Variants in SLC8A1 observed in about 807,000 individuals in gnomAD.
SLC8A1 encodes the protein solute carrier family 8 member A1.
In SLC8A1, 18 loss-of-function variants were observed where a neutral mutation model predicts 68.3. The observed-to-expected ratio is 0.26, with a 90% CI of 0.18 to 0.39. SLC8A1 has a LOEUF of 0.39. Among genes scored for constraint, SLC8A1 ranks in the 10% least tolerant of loss-of-function variants. The probability of loss-of-function intolerance (pLI) is 1.00; values close to 1 mark genes in which losing one functional copy is unlikely to be tolerated. For synonymous variants in SLC8A1, 475 were observed against 415.5 expected (o/e 1.14, Z -1.74); for missense variants, 985 against 1,156.7 (o/e 0.85, Z 2.15).
intron 2 of SLC8A1, among the ~76,000 whole-genome samples, chr2:40,424,404 CAA>C (rs1696325208): frequency 6.6e-6 from 1 of 151,668 alleles, no homozygotes; most frequent in South Asian, 2.1e-4. Flanking sequence ...ATAGCAAAAA[CAA>C]AATATTTATT....
At chr2:40,204,356 T>G (rs1281770299) in intron 2 of SLC8A1, among the ~76,000 whole-genome samples, 1 of 152,060 alleles carries the variant, frequency 6.6e-6, no homozygotes, top group African/African-American at 2.4e-5. Flanking sequence ...CTATGATCCT[T>G]TAAGAAAATC....
intron 2 of SLC8A1, among the ~76,000 whole-genome samples, chr2:40,206,733 T>C (rs1004708015): frequency 1.3e-5 from 2 of 152,026 alleles, no homozygotes; most frequent in Non-Finnish European, 2.9e-5. Flanking sequence ...ACCCCTACGA[T>C]CTACATGGTT....
At position 40,177,826 on chromosome 2, in the gene SLC8A1, C is replaced by T. The variant is rs5556; in HGVS notation, c.1838G>A (p.Arg613His). ...ACTGCACTCTTTCTCATATTCCTCA[C>T]GGTCAAATATTCTAATGGTAATGAT... The change falls in exon 3 of 8, where the codon CGT (arginine) becomes CAT (histidine). Residue 613 changes from arginine to histidine, a missense_variant. By Grantham distance (29) the Arg-to-His change is conservative. This residue lies in a region of SLC8A1 where 584 missense variants were observed against 565.9 expected (regional missense o/e 1.03). Coordinates refer to ENST00000406785, the Ensembl canonical transcript of SLC8A1. The T allele has an allele frequency of 5.3e-3, 8,255 of 1,550,724 alleles. 24 individuals carry two copies. The highest frequency in any genetic ancestry group is 6.2e-3 in the Non-Finnish European group (7,072 of 1,146,090).
intron 2 of SLC8A1, among the ~76,000 whole-genome samples, chr2:40,308,467 G>C (rs533641023): frequency 6.6e-6 from 1 of 152,258 alleles, no homozygotes; most frequent in South Asian, 2.1e-4. Flanking sequence ...AGTAACCAAA[G>C]ACTTCGTGGT....
chr2:40,481,369 C>T (rs1412593921), intron 1 of SLC8A1, among the ~76,000 whole-genome samples: 1 of 152,186 alleles, frequency 6.6e-6, no homozygotes, highest in African/African-American at 2.4e-5. Context: ...TGAATTCAGC[C>T]ATACCTGGCT....
intron 2 of SLC8A1, among the ~76,000 whole-genome samples, chr2:40,425,227 C>T (rs1042275682): frequency 6.6e-6 from 1 of 151,772 alleles, no homozygotes; most frequent in Non-Finnish European, 1.5e-5. Context: ...TTAGAAATTA[C>T]AAGCATCACT....
intron 1 of SLC8A1, among the ~76,000 whole-genome samples, chr2:40,507,646 C>T (rs921275121): frequency 2.6e-5 from 4 of 152,030 alleles, no homozygotes; most frequent in Non-Finnish European, 5.9e-5. Context: ...TCAAATCCTA[C>T]TTCCTCTTTT....
chr2:40,265,474 G>A (rs900519029), intron 2 of SLC8A1, among the ~76,000 whole-genome samples: 1 of 152,082 alleles, frequency 6.6e-6, no homozygotes, highest in African/African-American at 2.4e-5. Context: ...TCTGAGCAAA[G>A]GTCAATGGAA....
At position 40,500,424 on chromosome 2, in the gene SLC8A1, C is replaced by T. The variant is rs568043558; in HGVS notation, c.-25+11925G>A. Among the ~76,000 whole-genome samples the T allele has an allele frequency of 2.6e-3, 391 of 152,108 alleles. 2 individuals carry two copies. The highest frequency in any genetic ancestry group is 3.3e-3 in the Non-Finnish European group (227 of 67,978). ...CAAGACAGATTAACTTATTAAAAGC[C>T]CCAATAATTCCTCCAGAATAAATTC... On this transcript the variant is annotated intron_variant, in intron 1 of 7. Transcript: ENST00000402441.
intron 2 of SLC8A1, among the ~76,000 whole-genome samples, chr2:40,294,032 A>G (rs2069852589): frequency 6.6e-6 from 1 of 152,114 alleles, no homozygotes; most frequent in Non-Finnish European, 1.5e-5. Context: ...CAATAAAGCT[A>G]TGAATGGTAA....
At chr2:40,308,116 A>G (rs1249604170) in intron 2 of SLC8A1, among the ~76,000 whole-genome samples, 1 of 152,158 alleles carries the variant, frequency 6.6e-6, no homozygotes, top group East Asian at 1.9e-4. Context: ...CAATATACAG[A>G]CTACTAGAGA....
chr2:40,410,705 C>T (rs1691852737), intron 2 of SLC8A1, among the ~76,000 whole-genome samples: 1 of 152,016 alleles, frequency 6.6e-6, no homozygotes, highest in African/African-American at 2.4e-5. Context: ...TGGTGACATG[C>T]TATTTAAACA....
intron 2 of SLC8A1, among the ~76,000 whole-genome samples, chr2:40,272,286 G>A (rs2066140258): frequency 6.6e-6 from 1 of 152,030 alleles, no homozygotes; most frequent in African/African-American, 2.4e-5. Context: ...ATAATAGATC[G>A]CAGTCCCTAA....
At chr2:40,103,415 A>AG (rs1245438205) in exon 8 of SLC8A1, 1 of 152,182 alleles carries the variant, frequency 6.6e-6, no homozygotes, top group East Asian at 1.9e-4. Context: ...CTCCATGACA[A>AG]GGGAGGCATT....
intron 2 of SLC8A1, among the ~76,000 whole-genome samples, chr2:40,343,138 C>G (rs1668233884): frequency 6.6e-6 from 1 of 151,900 alleles, no homozygotes; most frequent in Non-Finnish European, 1.5e-5. Context: ...CAATGTAAAA[C>G]TTGGGCAAAA....
In SLC8A1 at chr2:40,370,175, G is replaced by A. The variant is rs960391530; in HGVS notation, c.1808+58298C>T. On this transcript the variant is annotated intron_variant, in intron 2 of 7. Coordinates refer to ENST00000406785, the Ensembl canonical transcript of SLC8A1. ...AAGGAAAAAGGTCTCATTTCTGTAC[G>A]CTTGTTGGTGAGTCATTCATTGCGT... Among the ~76,000 whole-genome samples the A allele has an allele frequency of 3.3e-5, 5 of 152,222 alleles. No homozygotes were observed. In the South Asian group the frequency reaches 6.2e-4, roughly 19 times the overall value.
chr2:40,205,696 G>A (rs1463342688), intron 2 of SLC8A1, among the ~76,000 whole-genome samples: 2 of 151,340 alleles, frequency 1.3e-5, no homozygotes, highest in African/African-American at 4.9e-5. Flanking sequence ...TAACTAATGG[G>A]TACTAGGCTT....
chr2:40,400,690 G>A (rs1688458817), intron 2 of SLC8A1, among the ~76,000 whole-genome samples: 1 of 152,072 alleles, frequency 6.6e-6, no homozygotes, highest in Non-Finnish European at 1.5e-5. Flanking sequence ...GAGGTGGGAG[G>A]GACAGAGAGC....
chr2:40,163,155 G>C (rs2045977951), intron 5 of SLC8A1, among the ~76,000 whole-genome samples: 1 of 152,090 alleles, frequency 6.6e-6, no homozygotes, highest in Admixed American at 6.6e-5. Context: ...GTAGAGACTT[G>C]GGGCACTTTC....
Sources: gnomAD v4.1 joint callset for allele counts (sites outside exome capture counted in the v4.1 genomes callset) on GRCh38, gnomAD v4.1.1 for gene constraint, gnomAD v4.1.1 regional missense constraint, MANE v1.5 for transcripts, NCBI Gene and HGNC (gene_info 2026-07-23, HGNC 2026-07-21) for gene names.